The following GDPD1 variants were observed in gnomAD, a reference collection of about 807,000 sequenced individuals.
GDPD1 encodes glycerophosphodiester phosphodiesterase domain containing 1, also known as lysophospholipase D GDPD1.
In GDPD1, 28 loss-of-function variants were observed where a neutral mutation model predicts 45.1. The ratio of observed to expected loss-of-function variants is 0.62; its 90% confidence interval spans 0.46 to 0.85. GDPD1 has a LOEUF of 0.85. GDPD1 is among the 40% of genes least tolerant of loss of function. The probability of loss-of-function intolerance (pLI) is 0.00; values close to 1 mark genes in which losing one functional copy is unlikely to be tolerated. For synonymous variants in GDPD1, 139 were observed against 131.4 expected (o/e 1.06, Z -0.40); for missense variants, 256 against 364.8 (o/e 0.70, Z 2.43).
rs144271158 is a variant in GDPD1 at position 59,258,742 on chromosome 17, T to C, written c.576+902T>C. Among the ~76,000 whole-genome samples the C allele has an allele frequency of 5.3e-4, 80 of 152,310 alleles. 1 individual carries two copies. In the East Asian group the frequency reaches 0.013, roughly 25 times the overall value. On this transcript the variant is annotated intron_variant, in intron 6 of 9. Coordinates refer to ENST00000284116, the MANE Select transcript of GDPD1 (RefSeq NM_182569.4). ...TGTTAGTTGCTTACCAATATTTCAT[T>C]ATGTGTATTAAAGGAAAAAATACAG...
chr17:59,226,888 C>A (rs2047051285), intron 1 of GDPD1, among the ~76,000 whole-genome samples: 1 of 150,544 alleles, frequency 6.6e-6, no homozygotes, highest in African/African-American at 2.4e-5. Flanking sequence ...ACCATGTTGG[C>A]CAGGCTGGTC....
chr17:59,258,103 C>A (rs1428957179), intron 6 of GDPD1, among the ~76,000 whole-genome samples: 1 of 151,730 alleles, frequency 6.6e-6, no homozygotes, highest in Non-Finnish European at 1.5e-5. Flanking sequence ...ATTTTTAAAT[C>A]TTTAGTAGAG....
intron 4 of GDPD1, among the ~76,000 whole-genome samples, chr17:59,254,360 CAA>C (rs1198335465): frequency 1.6e-4 from 10 of 62,158 alleles, no homozygotes; most frequent in Admixed American, 5.3e-4. Context: ...GACTCCGTCT[CAA>C]AAAAAAAAAA....
At chr17:59,260,911 A>G (rs2047350607) in intron 6 of GDPD1, 1 of 152,212 alleles carries the variant, frequency 6.6e-6, no homozygotes, top group African/African-American at 2.4e-5. Flanking sequence ...AGAAGGCAAA[A>G]ACATGCACAG....
At chr17:59,221,445 CAATAAATA>C (rs71145536) in intron 1 of GDPD1, among the ~76,000 whole-genome samples, 70 of 135,426 alleles carry the variant, frequency 5.2e-4, no homozygotes, top group East Asian at 1.7e-3. Flanking sequence ...TTGAACACTG[CAATAAATA>C]AATAAATAAA....
chr17:59,266,031 A>G (rs2047396213), intron 6 of GDPD1, among the ~76,000 whole-genome samples: 1 of 124,572 alleles, frequency 8.0e-6, no homozygotes, highest in Non-Finnish European at 1.6e-5. Flanking sequence ...AATGATTGAC[A>G]TTCAATTTTG....
rs58058526 is a variant in GDPD1, at chr17:59,261,913, CTTTTTTT to C, written c.576+4089_576+4095del. On this transcript the variant is annotated intron_variant, in intron 6 of 9. Coordinates refer to ENST00000284116, the MANE Select transcript of GDPD1 (RefSeq NM_182569.4). ...TTTCCCAAAGTGCTGAGATTACAGGCTTTTTTTTTTTTTTTTTTTTTTGAGACGGAGT... is the reference window on the plus strand; with the variant it reads ...TTTCCCAAAGTGCTGAGATTACAGGCTTTTTTTTTTTTTTTGAGACGGAGT... Among the ~76,000 whole-genome samples the C allele has an allele frequency of 1.0e-4, 8 of 79,350 alleles. 1 individual carries two copies. Among genetic ancestry groups the C allele is most frequent in the African/African-American group, 4.5e-4 (7 of 15,688 alleles). 52.1% of individuals were successfully genotyped at this position (79,350 alleles called of 152,430 possible). A position where few individuals can be genotyped will look rare whatever the true frequency, so the allele number is the denominator to read the frequency against.
In GDPD1 at chr17:59,243,057, C is replaced by T. The variant is rs539696156; in HGVS notation, c.186-2357C>T. ...TACAAACATTAGCCAGGTGTGGTGG[C>T]GGGTACCTGTAATCTCAGCTACTCG... On this transcript the variant is annotated intron_variant, in intron 2 of 9. Transcript: ENST00000284116. Among the ~76,000 whole-genome samples, 11 of 151,566 alleles carry T rather than the reference C, an allele frequency of 7.3e-5. No individual in the cohort carries two copies. The East Asian group carries it at 9.7e-4, about 13-fold the overall frequency.
At chr17:59,236,095 C>T (rs1348997295) in intron 2 of GDPD1, among the ~76,000 whole-genome samples, 2 of 152,016 alleles carry the variant, frequency 1.3e-5, no homozygotes, top group Admixed American at 6.6e-5. Flanking sequence ...GCTTAAGGTA[C>T]ATTATTTTAT....
intron 7 of GDPD1, 41 bp downstream of exon 7, chr17:59,267,215 A>G: frequency 6.5e-7 from 1 of 1,541,888 alleles, no homozygotes; most frequent in Non-Finnish European, 8.9e-7. Flanking sequence ...ATTATCAATT[A>G]CAGAAAGACT....
chr17:59,257,700 A>T, intron 5 of GDPD1, 51 bp from the exon 6 acceptor site: 2 of 1,068,562 alleles, frequency 1.9e-6, no homozygotes, highest in Non-Finnish European at 2.9e-6. Context: ...AAATGTTGTT[A>T]GTGGATTTGC....
chr17:59,238,768 T>C (rs2047154145), intron 2 of GDPD1, among the ~76,000 whole-genome samples: 1 of 152,186 alleles, frequency 6.6e-6, no homozygotes, highest in South Asian at 2.1e-4. Flanking sequence ...AAATTCTTAA[T>C]GCCTAACTCA....
intron 4 of GDPD1, among the ~76,000 whole-genome samples, chr17:59,254,360 C>CAA (rs1198335465): frequency 0.082 from 5,056 of 61,856 alleles, 404 homozygotes; most frequent in African/African-American, 0.25. Flanking sequence ...GACTCCGTCT[C>CAA]AAAAAAAAAA....
In GDPD1 at chr17:59,220,603, G is replaced by A; in HGVS notation, c.-7G>A. Reference sequence around the variant, plus strand: ...GGAGGTGGGAGACTTCCCACACGGTGACTGAGATGTCGTCCACTGCGGCTT... The same window carrying A: ...GGAGGTGGGAGACTTCCCACACGGTAACTGAGATGTCGTCCACTGCGGCTT... On this transcript the variant is annotated 5_prime_UTR_variant, in exon 1 of 10. Transcript: ENST00000284116. 1 of 1,613,014 alleles carries A rather than the reference G, an allele frequency of 6.2e-7. No individual in the cohort carries two copies. The highest frequency in any genetic ancestry group is 8.5e-7 in the Non-Finnish European group (1 of 1,179,454).
chr17:59,255,846 T>TACAC (rs1417617140), intron 4 of GDPD1, among the ~76,000 whole-genome samples: 1 of 82,646 alleles, frequency 1.2e-5, no homozygotes, highest in Non-Finnish European at 2.1e-5. Flanking sequence ...TATATATATA[T>TACAC]ATATACACAC....
chr17:59,269,531 C>T (rs1229219411), intron 7 of GDPD1, among the ~76,000 whole-genome samples: 1 of 141,768 alleles, frequency 7.1e-6, no homozygotes, highest in Non-Finnish European at 1.5e-5. Context: ...GATCCCTAAA[C>T]ATTTATTCCT....
chr17:59,232,587 A>G (rs2047099910), intron 1 of GDPD1, among the ~76,000 whole-genome samples: 1 of 152,240 alleles, frequency 6.6e-6, no homozygotes, highest in Admixed American at 6.5e-5. Flanking sequence ...CAAGGTGATC[A>G]TGATAATAGA....
intron 6 of GDPD1, among the ~76,000 whole-genome samples, chr17:59,266,509 A>G (rs1473559349): frequency 2.6e-5 from 4 of 152,176 alleles, no homozygotes; most frequent in Non-Finnish European, 5.9e-5. Flanking sequence ...CATATTTTCC[A>G]ATAGAAACTT....
Position 59,220,548 on chromosome 17 carries a change from G to C in GDPD1, c.-62G>C. On this transcript the variant is annotated 5_prime_UTR_variant, in exon 1 of 10. Coordinates refer to ENST00000284116, the MANE Select transcript of GDPD1 (RefSeq NM_182569.4). The stretch of plus-strand genomic sequence containing the variant: ...AGCAGCCGCCGCCGCCGCCGTCGTT[G>C]CTACTGCCGCAGCGGAGTTCAGAGG... 1.3e-6 allele frequency: 2 copies of C among 1,562,238 alleles called. No homozygotes were observed. Among genetic ancestry groups the C allele is most frequent in the Non-Finnish European group, 1.7e-6 (2 of 1,150,550 alleles).
Sources: allele counts gnomAD v4.1 joint callset (sites outside exome capture counted in the v4.1 genomes callset), GRCh38; gene constraint gnomAD v4.1.1; transcripts MANE v1.5; gene names NCBI Gene and HGNC (gene_info 2026-07-23, HGNC 2026-07-21).